SUPT3H: variants seen among roughly 807,000 people sequenced by gnomAD.
SUPT3H encodes transcription initiation protein SPT3 homolog.
Under a neutral mutation model 44.3 loss-of-function variants are expected in SUPT3H, and 44 were observed. The ratio of observed to expected loss-of-function variants is 0.99; its 90% confidence interval spans 0.78 to 1.28. SUPT3H has a LOEUF of 1.28. Among genes scored for constraint, SUPT3H ranks in the 50% most tolerant of loss-of-function variants. The probability of loss-of-function intolerance (pLI) is 0.00; values close to 1 mark genes in which losing one functional copy is unlikely to be tolerated. For synonymous variants in SUPT3H, 124 were observed against 125.6 expected (o/e 0.99, Z 0.09); for missense variants, 380 against 387.1 (o/e 0.98, Z 0.15).
intron 2 of SUPT3H, among the ~76,000 whole-genome samples, chr6:45,213,883 G>T (rs566560039): frequency 6.6e-6 from 1 of 151,914 alleles, no homozygotes; most frequent in Non-Finnish European, 1.5e-5. Context: ...CAATTTGAAA[G>T]TTGGTACTAA....
chr6:44,872,594 C>T (rs901969399), intron 10 of SUPT3H, among the ~76,000 whole-genome samples: 8 of 150,914 alleles, frequency 5.3e-5, no homozygotes, highest in South Asian at 2.1e-4. Flanking sequence ...CATCAACTAA[C>T]GAGCAAAACC....
At chr6:45,076,551 C>A (rs1325307640) in intron 3 of SUPT3H, among the ~76,000 whole-genome samples, 3 of 151,288 alleles carry the variant, frequency 2.0e-5, no homozygotes, top group Admixed American at 6.6e-5. Flanking sequence ...CTGATACAAA[C>A]AGGCTCTTCC....
intron 2 of SUPT3H, among the ~76,000 whole-genome samples, chr6:45,272,619 A>C (rs1040949698): frequency 4.6e-5 from 7 of 152,178 alleles, no homozygotes; most frequent in Non-Finnish European, 8.8e-5. Flanking sequence ...AAGTCAGAAG[A>C]AGCTGAATCA....
At chr6:45,009,756 T>G (rs1039352558) in intron 5 of SUPT3H, among the ~76,000 whole-genome samples, 1 of 152,302 alleles carries the variant, frequency 6.6e-6, no homozygotes, top group Admixed American at 6.5e-5. Context: ...GTCCTCTGAC[T>G]TTATTCTTTG....
intron 9 of SUPT3H, among the ~76,000 whole-genome samples, chr6:44,948,739 C>A (rs998912885): frequency 6.6e-6 from 1 of 151,978 alleles, no homozygotes; most frequent in Non-Finnish European, 1.5e-5. Flanking sequence ...AGTCAGGAAA[C>A]AACAGGTGCT....
chr6:44,931,183 T>C (rs1158186927), intron 10 of SUPT3H, among the ~76,000 whole-genome samples: 1 of 152,226 alleles, frequency 6.6e-6, no homozygotes, highest in African/African-American at 2.4e-5. Flanking sequence ...TATGTAATCT[T>C]ATTCATTACT....
intron 3 of SUPT3H, among the ~76,000 whole-genome samples, chr6:45,092,198 C>A (rs933290100): frequency 5.3e-5 from 8 of 151,942 alleles, no homozygotes; most frequent in Non-Finnish European, 1.0e-4. Flanking sequence ...TTTCCTCCTA[C>A]TCTACTGCAA....
chr6:44,839,006 A>C (rs637680), intron 10 of SUPT3H, among the ~76,000 whole-genome samples: 150,548 of 152,294 alleles, frequency 0.99, 74,447 homozygotes, highest in East Asian at 1. Flanking sequence ...CATAAATAAC[A>C]AAAGTGTCTC....
chr6:44,861,585 C>T (rs1025798351), intron 10 of SUPT3H, among the ~76,000 whole-genome samples: 2 of 152,088 alleles, frequency 1.3e-5, no homozygotes, highest in African/African-American at 4.8e-5. Context: ...CAGGGTTTCA[C>T]CATGTTGGTC....
intron 2 of SUPT3H, among the ~76,000 whole-genome samples, chr6:45,295,416 T>C (rs146802607): frequency 0.057 from 8,626 of 150,694 alleles, 340 homozygotes; most frequent in Non-Finnish European, 0.082. Flanking sequence ...AAAACCTTTC[T>C]AGACATTGGC....
intron 10 of SUPT3H, among the ~76,000 whole-genome samples, chr6:44,868,277 A>C (rs1775816119): frequency 6.6e-6 from 1 of 152,200 alleles, no homozygotes; most frequent in African/African-American, 2.4e-5. Context: ...GCTTTGAAGT[A>C]GGTATTTGGA....
At chr6:45,172,561 A>C (rs1810988571) in intron 2 of SUPT3H, among the ~76,000 whole-genome samples, 1 of 151,358 alleles carries the variant, frequency 6.6e-6, no homozygotes, top group African/African-American at 2.4e-5. Context: ...AGGAAAAAAA[A>C]AGTCTGAAAA....
intron 2 of SUPT3H, among the ~76,000 whole-genome samples, chr6:45,279,660 T>C (rs181733360): frequency 0.018 from 2,668 of 152,348 alleles, 50 homozygotes; most frequent in South Asian, 0.085. Context: ...ACACTTCCTG[T>C]GCAGCCTGCA....
intron 3 of SUPT3H, among the ~76,000 whole-genome samples, chr6:45,073,340 A>G (rs1209835453): frequency 1.3e-5 from 2 of 152,024 alleles, no homozygotes; most frequent in Admixed American, 6.6e-5. Flanking sequence ...TAGACTACCA[A>G]AAGTTTAGAG....
chr6:44,902,768 A>G (rs1182040972), intron 10 of SUPT3H, among the ~76,000 whole-genome samples: 1 of 152,188 alleles, frequency 6.6e-6, no homozygotes, highest in African/African-American at 2.4e-5. Flanking sequence ...AAAATTGACC[A>G]CATAGTTGGA....
At chr6:45,187,101 TAA>T (rs70996308) in intron 2 of SUPT3H, among the ~76,000 whole-genome samples, 31,713 of 79,312 alleles carry the variant, frequency 0.4, 5,949 homozygotes, top group East Asian at 0.65. Context: ...TTTTCGCCTT[TAA>T]AAAAAAAAAA....
At chr6:45,251,302 T>G (rs1772333657) in intron 2 of SUPT3H, among the ~76,000 whole-genome samples, 1 of 152,160 alleles carries the variant, frequency 6.6e-6, no homozygotes, top group Non-Finnish European at 1.5e-5. Flanking sequence ...GTTATGTATA[T>G]TCTTTCAACA....
intron 2 of SUPT3H, among the ~76,000 whole-genome samples, chr6:45,157,060 A>G (rs1379250784): frequency 6.6e-6 from 1 of 152,098 alleles, no homozygotes; most frequent in Non-Finnish European, 1.5e-5. Flanking sequence ...TGAAAATGCA[A>G]TCATCTGGCA....
At chr6:45,298,268 T>G (rs146296144) in intron 2 of SUPT3H, among the ~76,000 whole-genome samples, 1 of 152,164 alleles carries the variant, frequency 6.6e-6, no homozygotes, top group Non-Finnish European at 1.5e-5. Flanking sequence ...CATTAAGAAA[T>G]TTTGTTTTCT....
Sources: allele counts gnomAD v4.1 joint callset (sites outside exome capture counted in the v4.1 genomes callset), GRCh38; gene constraint gnomAD v4.1.1; transcripts MANE v1.5; gene names NCBI Gene and HGNC (gene_info 2026-07-23, HGNC 2026-07-21).